The following SEPTIN9 variants were observed in gnomAD, a reference collection of about 807,000 sequenced individuals.
SEPTIN9 encodes the protein septin 9, also known as septin-9.
SEPTIN9 carries 13 observed loss-of-function variants against 56.6 expected under a neutral mutation model. The ratio of observed to expected loss-of-function variants is 0.23; its 90% confidence interval spans 0.15 to 0.37. The LOEUF is 0.37. SEPTIN9 is among the 10% of genes least tolerant of loss of function. SEPTIN9 has a pLI of 1.00. For synonymous variants in SEPTIN9, 332 were observed against 334.1 expected (o/e 0.99, Z 0.07); for missense variants, 650 against 823.1 (o/e 0.79, Z 2.57).
In SEPTIN9 at chr17:77,498,663, C is replaced by T. The variant is rs778476432; in HGVS notation, c.*5C>T. ...CCAGAAGCCCCGGAGATGTAGACGCCACCCTGCCCACCCCCGGGATCCTGC... is the reference window on the plus strand; with the variant it reads ...CCAGAAGCCCCGGAGATGTAGACGCTACCCTGCCCACCCCCGGGATCCTGC... On this transcript the variant is annotated 3_prime_UTR_variant, in exon 12 of 12. Coordinates refer to ENST00000427177, the MANE Select transcript of SEPTIN9 (RefSeq NM_001113491.2). The T allele has an allele frequency of 4.5e-5, 71 of 1,595,258 alleles. No individual in the cohort carries two copies. The highest frequency in any genetic ancestry group is 1.6e-4 in the East Asian group (7 of 44,052).
chr17:77,370,129 A>C (rs2034676144), intron 2 of SEPTIN9, among the ~76,000 whole-genome samples: 1 of 152,188 alleles, frequency 6.6e-6, no homozygotes, highest in African/African-American at 2.4e-5. Flanking sequence ...ATAAGGCACG[A>C]GTTTCTCCTG....
In SEPTIN9 at chr17:77,435,896, T is replaced by C. The variant is rs312907; in HGVS notation, c.721+33193T>C. Among the ~76,000 whole-genome samples the C allele has an allele frequency of 0.16, 25,041 of 152,248 alleles. 5,707 individuals carry two copies. Among genetic ancestry groups the C allele is most frequent in the African/African-American group, 0.51 (21,147 of 41,510 alleles). ...TCTGTGTAATCCCTAAAGCACGGAC[T>C]TCTTAGGGGCTTCCATTCCTCCACC... On this transcript the variant is annotated intron_variant, in intron 3 of 11. Coordinates refer to ENST00000427177, the MANE Select transcript of SEPTIN9 (RefSeq NM_001113491.2). This position sits in a 1 kb window ranked among gnomAD's most constrained non-coding sequence, Gnocchi z 4.5.
At chr17:77,332,956 A>C (rs1014464315) in intron 2 of SEPTIN9, among the ~76,000 whole-genome samples, 3 of 152,208 alleles carry the variant, frequency 2.0e-5, no homozygotes, top group Non-Finnish European at 4.4e-5. Flanking sequence ...TTTTCTGTGC[A>C]TATGGGCGTT....
At chr17:77,409,342 G>C (rs1233130849) in intron 3 of SEPTIN9, among the ~76,000 whole-genome samples, 1 of 152,128 alleles carries the variant, frequency 6.6e-6, no homozygotes, top group Non-Finnish European at 1.5e-5. Context: ...GTGGTGGGAC[G>C]GGGTGGGGCC....
intron 3 of SEPTIN9, among the ~76,000 whole-genome samples, chr17:77,464,862 G>T (rs1453209710): frequency 1.3e-5 from 2 of 152,036 alleles, no homozygotes; most frequent in Non-Finnish European, 2.9e-5. Flanking sequence ...CAAAGTGCTG[G>T]GATTACAGGC....
rs1390610116 is a variant in SEPTIN9, at chr17:77,451,662, G to C, written c.722-30482G>C. The stretch of plus-strand genomic sequence containing the variant: ...CCACGCTGTCCCTGGGCCCCGGCCC[G>C]AGGCCGGCAGGACCGAGCGGGGTCC... On this transcript the variant is annotated intron_variant, in intron 3 of 11. Coordinates refer to ENST00000427177, the MANE Select transcript of SEPTIN9 (RefSeq NM_001113491.2). The surrounding 1 kb of genome is among the most constrained non-coding windows in gnomAD (Gnocchi z 4.2). 3.1e-6 allele frequency: 2 copies of C among 653,426 alleles called. No individual in the cohort carries two copies. The highest frequency in any genetic ancestry group is 3.8e-6 in the Non-Finnish European group (2 of 526,520). The allele number at this position is 653,426 out of a possible 1,614,324, so 40.5% of individuals were successfully genotyped here.
chr17:77,414,266 C>T (rs924289470), intron 3 of SEPTIN9, among the ~76,000 whole-genome samples: 1 of 151,706 alleles, frequency 6.6e-6, no homozygotes, highest in African/African-American at 2.4e-5. Context: ...TTAGTAGAGA[C>T]GGGGTTTCTC....
intron 3 of SEPTIN9, among the ~76,000 whole-genome samples, chr17:77,415,436 G>A (rs1435510246): frequency 2.6e-5 from 4 of 152,040 alleles, no homozygotes; most frequent in East Asian, 1.9e-4. Context: ...GCAAAACCCC[G>A]TCTCTACTAA....
intron 3 of SEPTIN9, among the ~76,000 whole-genome samples, chr17:77,404,009 C>G (rs1370305399): frequency 6.6e-6 from 1 of 152,142 alleles, no homozygotes; most frequent in Non-Finnish European, 1.5e-5. Flanking sequence ...ACTCTAGGAA[C>G]CTTGTGTGTG....
chr17:77,367,770 C>G lies in SEPTIN9; in HGVS notation c.77-34289C>G, dbSNP rs2034613787. Among the ~76,000 whole-genome samples, 1 of 152,110 alleles carries G rather than the reference C, an allele frequency of 6.6e-6. No individual in the cohort carries two copies. Among genetic ancestry groups the G allele is most frequent in the Admixed American group, 6.5e-5 (1 of 15,268 alleles). ...GGCGGAGGTTGCAGTGAGCCGAGATCACGCCACTACACTACAGCCCGGGCG... is the reference window on the plus strand; with the variant it reads ...GGCGGAGGTTGCAGTGAGCCGAGATGACGCCACTACACTACAGCCCGGGCG... On this transcript the variant is annotated intron_variant, in intron 2 of 11. Transcript: ENST00000427177. This position sits in a 1 kb window ranked among gnomAD's most constrained non-coding sequence, Gnocchi z 4.5.
chr17:77,420,271 G>A (rs1186872043), intron 3 of SEPTIN9, among the ~76,000 whole-genome samples: 1 of 152,212 alleles, frequency 6.6e-6, no homozygotes, highest in Admixed American at 6.5e-5. Flanking sequence ...GGACAGCCCG[G>A]CTCAGTGATT....
rs188244636 is a variant in SEPTIN9, at chr17:77,369,520, G to A, written c.77-32539G>A. On this transcript the variant is annotated intron_variant, in intron 2 of 11. Coordinates refer to ENST00000427177, the MANE Select transcript of SEPTIN9 (RefSeq NM_001113491.2). This position sits in a 1 kb window ranked among gnomAD's most constrained non-coding sequence, Gnocchi z 4.9. ...GAGCAACTAGGTGGATGGTAGCACC[G>A]TTTCCTAAGATGAGGGGCTGTGGGA... Among the ~76,000 whole-genome samples the A allele has an allele frequency of 1.8e-4, 27 of 152,322 alleles. No individual in the cohort carries two copies. The highest frequency in any genetic ancestry group is 5.2e-4 in the Admixed American group (8 of 15,308).
chr17:77,493,198 C>T, intron 10 of SEPTIN9, 122 bp downstream of exon 10: 1 of 743,516 alleles, frequency 1.3e-6, no homozygotes, highest in Non-Finnish European at 2.2e-6. Flanking sequence ...CCTTGCCCCA[C>T]CCAGAGGGAG....
intron 3 of SEPTIN9, among the ~76,000 whole-genome samples, chr17:77,417,561 A>T (rs1410712315): frequency 1.3e-5 from 2 of 151,902 alleles, no homozygotes; most frequent in Non-Finnish European, 2.9e-5. Context: ...GAAACATCAT[A>T]TATCTTAGTG....
At chr17:77,283,802 C>T (rs746268668) in intron 1 of SEPTIN9, among the ~76,000 whole-genome samples, 47 of 152,256 alleles carry the variant, frequency 3.1e-4, no homozygotes, top group Non-Finnish European at 6.2e-4. Context: ...AGACAGTCAT[C>T]GAAGACACTT....
Sources: allele counts gnomAD v4.1 joint callset (sites outside exome capture counted in the v4.1 genomes callset), GRCh38; gene constraint gnomAD v4.1.1; non-coding constraint Gnocchi (gnomAD v3.1); transcripts MANE v1.5; gene names NCBI Gene and HGNC (gene_info 2026-07-23, HGNC 2026-07-21).